MDGA2: variants seen among roughly 807,000 people sequenced by gnomAD.
MDGA2 encodes MAM domain-containing glycosylphosphatidylinositol anchor protein 2.
Under a neutral mutation model 117.8 loss-of-function variants are expected in MDGA2, and 40 were observed. The observed-to-expected ratio is 0.34, with a 90% CI of 0.26 to 0.44. MDGA2 has a LOEUF of 0.44. Ranked by LOEUF, MDGA2 falls within the 20% of genes least tolerant of loss-of-function variation. MDGA2 has a pLI of 1.00. For missense variants in MDGA2, 1,123 were observed against 1,250.6 expected, an observed-to-expected ratio of 0.90 and a Z score of 1.54; for synonymous variants, 452 against 439.0, an observed-to-expected ratio of 1.03 and a Z score of -0.37.
Position 47,130,289 on chromosome 14 carries a change from C to A in MDGA2, c.925+1425G>T, listed in dbSNP as rs1277864595. ...TTTGTATAAGGTGTAAGGAAGGGAT[C>A]CAGTTTCAGCTTTCTACTTATGGCT... On this transcript the variant is annotated intron_variant, in intron 5 of 16. Transcript: ENST00000399232. Among the ~76,000 whole-genome samples the A allele has an allele frequency of 2.0e-5, 3 of 152,160 alleles. No individual in the cohort carries two copies. The South Asian group carries it at 6.2e-4, about 32-fold the overall frequency.
Position 47,623,942 on chromosome 14 carries a change from T to C in MDGA2, c.280+50575A>G, listed in dbSNP as rs116280542. On this transcript the variant is annotated intron_variant, in intron 1 of 16. Coordinates refer to ENST00000399232, the MANE Select transcript of MDGA2 (RefSeq NM_001113498.3). Reference sequence around the variant, plus strand: ...GTTTAATTCCCAAACCAAAGAACAATGGCCGACTTCTTCTGGTAATCTCAG... The same window carrying C: ...GTTTAATTCCCAAACCAAAGAACAACGGCCGACTTCTTCTGGTAATCTCAG... Among the ~76,000 whole-genome samples the C allele has an allele frequency of 3.1e-3, 468 of 152,270 alleles. 4 individuals are homozygous for C. Among genetic ancestry groups the C allele is most frequent in the African/African-American group, 0.011 (445 of 41,544 alleles).
chr14:47,389,722 G>C (rs1388631803), intron 1 of MDGA2, among the ~76,000 whole-genome samples: 1 of 151,894 alleles, frequency 6.6e-6, no homozygotes, highest in Non-Finnish European at 1.5e-5. Context: ...GCAGTCCTTG[G>C]GCCTCAGGGT....
chr14:47,260,841 G>A lies in MDGA2; in HGVS notation c.420+40570C>T, dbSNP rs145804934. Among the ~76,000 whole-genome samples, 255 of 152,018 alleles carry A rather than the reference G, an allele frequency of 1.7e-3. 1 individual carries two copies. Among genetic ancestry groups the A allele is most frequent in the African/African-American group, 3.7e-3 (155 of 41,502 alleles). On this transcript the variant is annotated intron_variant, in intron 2 of 16. Transcript: ENST00000399232. ...TATGTATCCCCTTTGTACATAGTACGTTGTACTATGGTCAGTCCATAGCAT... is the reference window on the plus strand; with the variant it reads ...TATGTATCCCCTTTGTACATAGTACATTGTACTATGGTCAGTCCATAGCAT...
intron 1 of MDGA2, among the ~76,000 whole-genome samples, chr14:47,550,218 A>G (rs1004189123): frequency 6.6e-6 from 1 of 152,220 alleles, no homozygotes; most frequent in Non-Finnish European, 1.5e-5. Flanking sequence ...ATACTCTAGT[A>G]AAGTTAATTT....
At chr14:47,440,077 A>G (rs1446347870) in intron 1 of MDGA2, among the ~76,000 whole-genome samples, 2 of 152,044 alleles carry the variant, frequency 1.3e-5, no homozygotes. Flanking sequence ...TAGGCAGCAC[A>G]GTGCAGACAA....
At chr14:47,540,298 C>T (rs1054424673) in intron 1 of MDGA2, among the ~76,000 whole-genome samples, 1 of 151,998 alleles carries the variant, frequency 6.6e-6, no homozygotes, top group African/African-American at 2.4e-5. Flanking sequence ...CAGGCGTGGG[C>T]CACCGTGCCC....
At chr14:47,359,284 G>A (rs1363022570) in intron 1 of MDGA2, among the ~76,000 whole-genome samples, 4 of 152,108 alleles carry the variant, frequency 2.6e-5, no homozygotes, top group African/African-American at 9.7e-5. Flanking sequence ...AACCCGGGAG[G>A]TGAAGGCTGC....
chr14:47,643,119 C>A (rs1897460807), intron 1 of MDGA2, among the ~76,000 whole-genome samples: 2 of 151,966 alleles, frequency 1.3e-5, no homozygotes, highest in Admixed American at 1.3e-4. Flanking sequence ...TATATTCCTT[C>A]CTTATACTAA....
At chr14:47,619,116 T>TATACAC (rs140667074) in intron 1 of MDGA2, among the ~76,000 whole-genome samples, 14,322 of 90,628 alleles carry the variant, frequency 0.16, 783 homozygotes, top group Non-Finnish European at 0.22. Flanking sequence ...TCAGTTTAAT[T>TATACAC]ACACACACAC....
intron 1 of MDGA2, among the ~76,000 whole-genome samples, chr14:47,450,296 C>T (rs552203335): frequency 6.6e-6 from 1 of 152,054 alleles, no homozygotes; most frequent in East Asian, 1.9e-4. Flanking sequence ...TATTTTCTCT[C>T]AGCAAAATCC....
chr14:47,026,074 C>T (rs538049024), intron 8 of MDGA2, among the ~76,000 whole-genome samples: 14 of 152,134 alleles, frequency 9.2e-5, no homozygotes, highest in East Asian at 5.8e-4. Context: ...TATAACCCAA[C>T]GTAATATGAT....
At chr14:47,200,864 A>G in intron 3 of MDGA2, 1 of 851,088 alleles carries the variant, frequency 1.2e-6, no homozygotes. Flanking sequence ...GGGCGGTGGG[A>G]TGCCGTCAAA....
At chr14:46,912,325 G>A (rs140090343) in intron 10 of MDGA2, among the ~76,000 whole-genome samples, 1 of 152,014 alleles carries the variant, frequency 6.6e-6, no homozygotes, top group African/African-American at 2.4e-5. Flanking sequence ...TTTCTACCCT[G>A]CAGTTCGTTT....
At chr14:47,043,767 A>G (rs543723831) in intron 7 of MDGA2, among the ~76,000 whole-genome samples, 3 of 152,210 alleles carry the variant, frequency 2.0e-5, no homozygotes, top group African/African-American at 7.2e-5. Flanking sequence ...CAACTGCTTA[A>G]CATACTTGAC....
intron 1 of MDGA2, among the ~76,000 whole-genome samples, chr14:47,587,903 T>C (rs1267073941): frequency 2.0e-5 from 3 of 151,908 alleles, no homozygotes; most frequent in Non-Finnish European, 4.4e-5. Context: ...TAGACACTCC[T>C]TGCACCTCTT....
intron 12 of MDGA2, among the ~76,000 whole-genome samples, chr14:46,875,530 T>C (rs1446918628): frequency 6.6e-6 from 1 of 151,726 alleles, no homozygotes; most frequent in African/African-American, 2.4e-5. Flanking sequence ...AACATTATTG[T>C]ACATAAAATA....
chr14:47,653,749 C>G (rs192558351), intron 1 of MDGA2, among the ~76,000 whole-genome samples: 1 of 151,986 alleles, frequency 6.6e-6, no homozygotes, highest in Non-Finnish European at 1.5e-5. Context: ...AAGTGCAAGA[C>G]AGCGGAAAAA....
chr14:47,666,221 TAAGG>T (rs1222364750), intron 1 of MDGA2, among the ~76,000 whole-genome samples: 1 of 148,028 alleles, frequency 6.8e-6, no homozygotes, highest in East Asian at 1.9e-4. Context: ...TATGTCTAGC[TAAGG>T]GATTGTGAAT....
At chr14:47,153,876 AC>A (rs1883262432) in intron 3 of MDGA2, among the ~76,000 whole-genome samples, 2 of 152,140 alleles carry the variant, frequency 1.3e-5, no homozygotes, top group South Asian at 4.2e-4. Flanking sequence ...AGACAACAGA[AC>A]TGGAAAGTGA....
Sources: gnomAD v4.1 joint callset for allele counts (sites outside exome capture counted in the v4.1 genomes callset) on GRCh38, gnomAD v4.1.1 for gene constraint, MANE v1.5 for transcripts, NCBI Gene and HGNC (gene_info 2026-07-23, HGNC 2026-07-21) for gene names.